The following CCDC3 variants were observed in gnomAD, a reference collection of about 807,000 sequenced individuals.
CCDC3 encodes the protein coiled-coil domain-containing protein 3.
Under a neutral mutation model 21.4 loss-of-function variants are expected in CCDC3, and 24 were observed. The observed-to-expected ratio is 1.12, with a 90% CI of 0.81 to 1.58. The LOEUF (loss-of-function observed/expected upper bound fraction) is 1.58, where lower values mean the gene tolerates loss of function less well. Among genes scored for constraint, CCDC3 ranks in the 40% most tolerant of loss-of-function variants. The pLI is 0.00. For synonymous variants in CCDC3, 186 were observed against 166.0 expected, an observed-to-expected ratio of 1.12 and a Z score of -0.93; for missense variants, 425 against 360.9, an observed-to-expected ratio of 1.18 and a Z score of -1.44.
chr10:12,920,185 C>G (rs143837121), intron 2 of CCDC3, among the ~76,000 whole-genome samples: 1 of 152,022 alleles, frequency 6.6e-6, no homozygotes, highest in Non-Finnish European at 1.5e-5. Context: ...GTGAAAGGCA[C>G]GTCTTACATG....
At chr10:13,066,564 G>A (rs1270438632) in intron 4 of CCDC3, among the ~76,000 whole-genome samples, 1 of 152,184 alleles carries the variant, frequency 6.6e-6, no homozygotes, top group Non-Finnish European at 1.5e-5. Flanking sequence ...TGGAATTAAG[G>A]CAAACAGCAA....
chr10:13,034,335 C>A (rs1379273766), intron 5 of CCDC3, among the ~76,000 whole-genome samples: 3 of 109,156 alleles, frequency 2.7e-5, no homozygotes, highest in African/African-American at 1.1e-4. Context: ...CACACCGGGG[C>A]CTGTTGGGGG....
upstream of CCDC3, among the ~76,000 whole-genome samples, chr10:13,004,283 T>C (rs1835900060): frequency 6.6e-6 from 1 of 151,862 alleles, no homozygotes; most frequent in African/African-American, 2.4e-5. Context: ...TTCACTAAAC[T>C]GTTACATCCT....
intron 2 of CCDC3, among the ~76,000 whole-genome samples, chr10:12,905,178 AAAAAG>A (rs1283862689): frequency 6.6e-6 from 1 of 152,250 alleles, no homozygotes; most frequent in Non-Finnish European, 1.5e-5. Flanking sequence ...AGAAGGAAGA[AAAAAG>A]AAAACCCAGA....
At chr10:12,901,259 C>T (rs1002817860) in intron 2 of CCDC3, among the ~76,000 whole-genome samples, 5 of 152,038 alleles carry the variant, frequency 3.3e-5, no homozygotes, top group African/African-American at 1.2e-4. Flanking sequence ...ATACCTCTTA[C>T]ATTATTTTTT....
chr10:12,992,076 A>T (rs1835690444), intron 2 of CCDC3, among the ~76,000 whole-genome samples: 1 of 151,762 alleles, frequency 6.6e-6, no homozygotes, highest in Non-Finnish European at 1.5e-5. Context: ...TTAAAAAAAA[A>T]AAAAGAAAGA....
chr10:12,945,292 A>C (rs1834898051), intron 2 of CCDC3, among the ~76,000 whole-genome samples: 1 of 152,184 alleles, frequency 6.6e-6, no homozygotes, highest in Non-Finnish European at 1.5e-5. Context: ...AGCATACAAA[A>C]TAAGTAAGAT....
intron 2 of CCDC3, among the ~76,000 whole-genome samples, chr10:12,995,386 C>T (rs1432380431): frequency 1.3e-5 from 2 of 152,104 alleles, no homozygotes; most frequent in African/African-American, 4.8e-5. Flanking sequence ...GGATTACAGG[C>T]GCGTACCACC....
Position 12,975,150 on chromosome 10 carries a change from T to C in CCDC3, c.549+23188A>G, listed in dbSNP as rs184867576. Among the ~76,000 whole-genome samples the C allele has an allele frequency of 2.0e-5, 3 of 152,306 alleles. 1 individual carries two copies. Among genetic ancestry groups the C allele is most frequent in the East Asian group, 3.9e-4 (2 of 5,166 alleles). ...TTCCATTCTAGGTTTAAATTAGTGT[T>C]GTGGGCTCAGATCCTCCTTCACAAG... On this transcript the variant is annotated intron_variant, in intron 2 of 2. Transcript: ENST00000378825.
intron 3 of CCDC3, among the ~76,000 whole-genome samples, chr10:13,094,149 T>C (rs2131457050): frequency 6.6e-6 from 1 of 152,252 alleles, no homozygotes; most frequent in African/African-American, 2.4e-5. Context: ...TAGGAAGTAA[T>C]TAATAAGCAG....
At chr10:13,052,982 ACACATACACACACAC>A (rs1836631570) in intron 4 of CCDC3, among the ~76,000 whole-genome samples, 2 of 82,888 alleles carry the variant, frequency 2.4e-5, no homozygotes, top group Non-Finnish European at 5.4e-5. Flanking sequence ...ACACACACAC[ACACATACACACACAC>A]ACCTAGAAGT....
At chr10:13,082,418 C>G (rs1361078623) in intron 3 of CCDC3, among the ~76,000 whole-genome samples, 1 of 152,226 alleles carries the variant, frequency 6.6e-6, no homozygotes, top group African/African-American at 2.4e-5. Flanking sequence ...GAAGGCAGAG[C>G]CAGGTATACA....
chr10:13,010,295 C>G (rs1835969522), intron 5 of CCDC3, among the ~76,000 whole-genome samples: 1 of 151,870 alleles, frequency 6.6e-6, no homozygotes, highest in African/African-American at 2.4e-5. Flanking sequence ...AAACAAACAA[C>G]CCAATATAAA....
At chr10:12,913,100 A>G (rs1834295432) in intron 2 of CCDC3, among the ~76,000 whole-genome samples, 1 of 152,282 alleles carries the variant, frequency 6.6e-6, no homozygotes, top group South Asian at 2.1e-4. Context: ...GCTCCATATG[A>G]ATTTTATGAT....
rs989005456 is a variant in CCDC3 at position 12,997,961 on chromosome 10, T to C, written c.549+377A>G. Among the ~76,000 whole-genome samples the C allele has an allele frequency of 4.6e-5, 7 of 152,126 alleles. No individual in the cohort carries two copies. The East Asian group carries it at 1.3e-3, about 29-fold the overall frequency. ...AAATCTCGTAATGTTCTAAGAAAGT[T>C]TACAAATTTGTGTTGGGCCACATTC... is the stretch of plus-strand genomic sequence containing the variant. On this transcript the variant is annotated intron_variant, in intron 2 of 2. Coordinates refer to ENST00000378825, the MANE Select transcript of CCDC3 (RefSeq NM_031455.4).
chr10:12,986,466 G>C (rs12256559), intron 2 of CCDC3, among the ~76,000 whole-genome samples: 5 of 152,070 alleles, frequency 3.3e-5, no homozygotes, highest in African/African-American at 7.2e-5. Flanking sequence ...AAAATAAAAT[G>C]AATTTTTTAA....
intron 1 of CCDC3, 40 bp downstream of exon 1, chr10:13,001,157 C>CAGAG (rs150639288): frequency 6.8e-7 from 1 of 1,480,100 alleles, no homozygotes; most frequent in Non-Finnish European, 9.1e-7. Context: ...GGAGGTGGCG[C>CAGAG]AGAGAGAGAG....
At chr10:12,911,287 C>T (rs11597692) in intron 2 of CCDC3, among the ~76,000 whole-genome samples, 20,574 of 151,970 alleles carry the variant, frequency 0.14, 1,474 homozygotes, top group Middle Eastern at 0.16. Flanking sequence ...GACTAAAAAA[C>T]GGGGACTCTA....
chr10:12,927,562 G>T (rs1834564101), intron 2 of CCDC3, among the ~76,000 whole-genome samples: 1 of 151,598 alleles, frequency 6.6e-6, no homozygotes, highest in Admixed American at 6.6e-5. Flanking sequence ...ATGAGAAACT[G>T]GTTCATTTAT....
Sources: gnomAD v4.1 joint callset for allele counts (sites outside exome capture counted in the v4.1 genomes callset) on GRCh38, gnomAD v4.1.1 for gene constraint, MANE v1.5 for transcripts, NCBI Gene and HGNC (gene_info 2026-07-23, HGNC 2026-07-21) for gene names.